FARSB: variants seen among roughly 807,000 people sequenced by gnomAD.
The protein encoded by FARSB is phenylalanyl-tRNA synthetase subunit beta.
FARSB carries 40 observed loss-of-function variants against 69.6 expected under a neutral mutation model. The observed-to-expected ratio is 0.57, with a 90% CI of 0.45 to 0.75. FARSB has a LOEUF of 0.75. Ranked by LOEUF, FARSB falls within the 30% of genes least tolerant of loss-of-function variation. The pLI is 0.00. For missense variants in FARSB, 632 were observed against 722.9 expected, an observed-to-expected ratio of 0.87 and a Z score of 1.44; for synonymous variants, 235 against 247.2, an observed-to-expected ratio of 0.95 and a Z score of 0.46.
At chr2:222,585,228 AG>A (rs1221676032) in intron 16 of FARSB, among the ~76,000 whole-genome samples, 1 of 152,212 alleles carries the variant, frequency 6.6e-6, no homozygotes, top group Non-Finnish European at 1.5e-5. Flanking sequence ...CCAGGCAAAC[AG>A]GGTCTGGAGT....
rs1559184744 is a variant in FARSB at position 222,571,469 on chromosome 2, C to T, written c.*402G>A. ...AGCTAAACCCCTCAGTTATCTCGAACTCATGCAACATGAATTCTCATCGAT... is the reference window on the plus strand; with the variant it reads ...AGCTAAACCCCTCAGTTATCTCGAATTCATGCAACATGAATTCTCATCGAT... On this transcript the variant is annotated 3_prime_UTR_variant, in exon 17 of 17. Coordinates refer to ENST00000281828, the MANE Select transcript of FARSB (RefSeq NM_005687.5). 6.5e-6 allele frequency: 1 copy of T among 154,556 alleles called. No homozygotes were observed. Among genetic ancestry groups the T allele is most frequent in the Non-Finnish European group, 1.4e-5 (1 of 69,820 alleles). The allele number at this position is 154,556 out of a possible 1,614,324, so 9.6% of individuals were successfully genotyped here. A position where few individuals can be genotyped will look rare whatever the true frequency, so the allele number is the denominator to read the frequency against.
intron 16 of FARSB, among the ~76,000 whole-genome samples, chr2:222,573,802 G>T (rs1689770779): frequency 6.6e-6 from 1 of 152,114 alleles, no homozygotes; most frequent in South Asian, 2.1e-4. Flanking sequence ...GCTTGCTGTG[G>T]TTTTTATGAA....
At chr2:222,611,548 A>G (rs1273840586) in intron 15 of FARSB, among the ~76,000 whole-genome samples, 1 of 152,086 alleles carries the variant, frequency 6.6e-6, no homozygotes, top group Non-Finnish European at 1.5e-5. Flanking sequence ...TCTGGGCTCA[A>G]AAGGTTCTCC....
intron 16 of FARSB, among the ~76,000 whole-genome samples, chr2:222,588,141 A>G (rs866447522): frequency 4.6e-5 from 7 of 152,226 alleles, no homozygotes; most frequent in African/African-American, 1.7e-4. Flanking sequence ...ATCCAGCAGC[A>G]TATCAAAAAG....
chr2:222,621,726 T>C (rs991362006), intron 13 of FARSB, among the ~76,000 whole-genome samples: 4 of 152,200 alleles, frequency 2.6e-5, no homozygotes, highest in Admixed American at 1.3e-4. Flanking sequence ...GAAGTGTGAA[T>C]TATTTACACT....
chr2:222,644,644 A>C lies in FARSB; in HGVS notation c.115-1639T>G, dbSNP rs1277296285. ...ATTTTTCAGCAGCACCCCCTTATCC[A>C]CAGGGGATATGTTTCAAGCTCCCCA... On this transcript the variant is annotated intron_variant, in intron 2 of 16. Transcript: ENST00000281828. The C allele has an allele frequency of 3.9e-5, 15 of 388,484 alleles. No individual in the cohort carries two copies. In the Admixed American group the frequency reaches 4.2e-4, roughly 11 times the overall value. 24.1% of individuals were successfully genotyped at this position (388,484 alleles called of 1,614,324 possible).
Position 222,571,751 on chromosome 2 carries a change from GCTTTCTAC to G in FARSB, c.*112_*119del, listed in dbSNP as rs1271103494. ...GTCTCTACCCACACAGCCAGACAGTGCTTTCTACTTTATTAAACATCAAAGCCCAAATA... is the reference window on the plus strand; with the variant it reads ...GTCTCTACCCACACAGCCAGACAGTGTTTATTAAACATCAAAGCCCAAATA... On this transcript the variant is annotated 3_prime_UTR_variant, in exon 17 of 17. Coordinates refer to ENST00000281828, the MANE Select transcript of FARSB (RefSeq NM_005687.5). 5 of 838,766 alleles carry G rather than the reference GCTTTCTAC, an allele frequency of 6.0e-6. No individual in the cohort carries two copies. The highest frequency in any genetic ancestry group is 6.7e-4 in the Middle Eastern group (2 of 2,996). The allele number at this position is 838,766 out of a possible 1,614,324, so 52.0% of individuals were successfully genotyped here.
intron 1 of FARSB, among the ~76,000 whole-genome samples, chr2:222,652,056 C>T (rs919908373): frequency 2.0e-5 from 3 of 152,190 alleles, no homozygotes; most frequent in African/African-American, 7.2e-5. Context: ...GGAAGGGCTA[C>T]AGGAGTTATC....
At chr2:222,623,570 C>A in intron 13 of FARSB, 80 bp downstream of exon 13, 1 of 851,924 alleles carries the variant, frequency 1.2e-6, no homozygotes, top group Non-Finnish European at 2.0e-6. Flanking sequence ...TTTATAAATT[C>A]TTATAAAGCA....
At chr2:222,593,078 C>CGGGG (rs1267445403) in intron 16 of FARSB, among the ~76,000 whole-genome samples, 1 of 151,942 alleles carries the variant, frequency 6.6e-6, no homozygotes, top group Non-Finnish European at 1.5e-5. Flanking sequence ...AAGCATCCAT[C>CGGGG]GGGGGTCTTG....
At chr2:222,628,988 C>T (rs1691347358) in intron 9 of FARSB, 100 bp from the exon 10 acceptor site, 5 of 798,028 alleles carry the variant, frequency 6.3e-6, no homozygotes, top group South Asian at 1.5e-5. Context: ...GCTACAACTA[C>T]AGCCTCAACA....
chr2:222,616,736 A>G (rs185966896), intron 14 of FARSB, among the ~76,000 whole-genome samples: 1 of 152,292 alleles, frequency 6.6e-6, no homozygotes, highest in Non-Finnish European at 1.5e-5. Context: ...ATTCTCCAAC[A>G]TATTTACTAT....
chr2:222,599,136 C>T (rs77045870), intron 16 of FARSB, among the ~76,000 whole-genome samples: 5,739 of 151,990 alleles, frequency 0.038, 151 homozygotes, highest in Middle Eastern at 0.065. Flanking sequence ...TGTTAAATAA[C>T]ACTTTAAAAG....
intron 2 of FARSB, among the ~76,000 whole-genome samples, chr2:222,648,129 T>C (rs1691918172): frequency 6.6e-6 from 1 of 152,190 alleles, no homozygotes; most frequent in South Asian, 2.1e-4. Flanking sequence ...AATTAAAGTA[T>C]GTCTTTAATA....
intron 16 of FARSB, among the ~76,000 whole-genome samples, chr2:222,591,687 T>C (rs1690280217): frequency 1.3e-5 from 2 of 152,214 alleles, no homozygotes; most frequent in South Asian, 4.1e-4. Context: ...TGGAAGCATA[T>C]ATACAATTTT....
chr2:222,594,093 CAAAAAAAA>C (rs33937937), intron 16 of FARSB, among the ~76,000 whole-genome samples: 1 of 51,548 alleles, frequency 1.9e-5, no homozygotes, highest in African/African-American at 1.0e-4. Flanking sequence ...CCCGCCTCTA[CAAAAAAAA>C]AAAAAAAAAA....
chr2:222,634,563 GAGA>G, intron 5 of FARSB, 22 bp from the exon 6 acceptor site: 2 of 1,584,672 alleles, frequency 1.3e-6, no homozygotes, highest in South Asian at 1.2e-5. Flanking sequence ...GAGGTTGAGG[GAGA>G]AGGAGGGAGG....
chr2:222,628,760 G>T, intron 10 of FARSB, 77 bp downstream of exon 10: 1 of 986,464 alleles, frequency 1.0e-6, no homozygotes, highest in South Asian at 1.4e-5. Context: ...TGGATAGACA[G>T]ACAGAACATG....
At chr2:222,606,167 G>A (rs540767657) in intron 15 of FARSB, among the ~76,000 whole-genome samples, 228 of 152,058 alleles carry the variant, frequency 1.5e-3, no homozygotes, top group African/African-American at 4.9e-3. Flanking sequence ...GGCTTTTTAC[G>A]TTTCCCAAGG....
Sources: gnomAD v4.1 joint callset for allele counts (sites outside exome capture counted in the v4.1 genomes callset) on GRCh38, gnomAD v4.1.1 for gene constraint, MANE v1.5 for transcripts, NCBI Gene and HGNC (gene_info 2026-07-23, HGNC 2026-07-21) for gene names.